LOXL2: variants seen among roughly 807,000 people sequenced by gnomAD.
LOXL2 encodes lysyl oxidase homolog 2.
A neutral mutation model predicts 93.0 loss-of-function variants in LOXL2; 70 were observed. That is an observed-to-expected ratio of 0.75 (90% CI 0.62 to 0.92). The LOEUF is 0.92. Among genes scored for constraint, LOXL2 ranks in the 40% least tolerant of loss-of-function variants. LOXL2 has a pLI of 0.00. For synonymous variants in LOXL2, 438 were observed against 413.2 expected, an observed-to-expected ratio of 1.06 and a Z score of -0.73; for missense variants, 973 against 1,054.9, an observed-to-expected ratio of 0.92 and a Z score of 1.08.
At position 23,309,687 on chromosome 8, in the gene LOXL2, TC is replaced by T; in HGVS notation, c.1860del (p.Trp620Ter). ...DFRPKNGRHA[W>X]IWHDCHRHYH... is the part of the protein sequence containing the mutation. The stretch of plus-strand genomic sequence containing the variant: ...GCCTACCTGTGACAGTCGTGCCAGA[TC>T]CACGCGTGGCGGCCGTTCTTGGGCC... On this transcript the variant is annotated frameshift_variant, in exon 10 of 14. Coordinates refer to ENST00000389131, the MANE Select transcript of LOXL2 (RefSeq NM_002318.3). LOFTEE classifies it high-confidence loss of function. 6.6e-7 allele frequency: 1 copy of T among 1,505,278 alleles called. No homozygotes were observed. The highest frequency in any genetic ancestry group is 8.9e-7 in the Non-Finnish European group (1 of 1,122,026). 93.2% of individuals were successfully genotyped at this position (1,505,278 alleles called of 1,614,324 possible). A position where few individuals can be genotyped will look rare whatever the true frequency, so the allele number is the denominator to read the frequency against.
At chr8:23,353,423 T>C (rs1804129903) in intron 3 of LOXL2, among the ~76,000 whole-genome samples, 1 of 152,228 alleles carries the variant, frequency 6.6e-6, no homozygotes, top group Admixed American at 6.5e-5. Flanking sequence ...TGATTTTCTT[T>C]ATATCCAGAC....
Position 23,317,021 on chromosome 8 carries a change from G to A in LOXL2, c.1564C>T (p.Arg522Cys), listed in dbSNP as rs202166801. 209 of 1,614,050 alleles carry A rather than the reference G, an allele frequency of 1.3e-4. No individual in the cohort carries two copies. Among genetic ancestry groups the A allele is most frequent in the Non-Finnish European group, 1.7e-4 (197 of 1,180,024 alleles). The part of the protein sequence containing the change: ...SGTELSLAHC[R>C]HDGEDVACPQ... ...CAGGCCACGTCCTCCCCGTCGTGGC[G>A]GCAGTGCGCCAGGGACAGCTCCGTT... Residue 522 changes from arginine (R) to cysteine (C), a missense_variant, in exon 9 of 14, where the codon CGC becomes TGC. By Grantham distance (180) the Arg-to-Cys change is radical. Transcript: ENST00000389131.
intron 2 of LOXL2, among the ~76,000 whole-genome samples, chr8:23,366,346 A>C (rs991435558): frequency 6.6e-6 from 1 of 152,216 alleles, no homozygotes; most frequent in Non-Finnish European, 1.5e-5. Flanking sequence ...AGCTGCAGAG[A>C]ACATTTGACT....
At chr8:23,348,360 C>T (rs1220861989) in intron 3 of LOXL2, among the ~76,000 whole-genome samples, 1 of 151,612 alleles carries the variant, frequency 6.6e-6, no homozygotes, top group Non-Finnish European at 1.5e-5. Context: ...ACCTATGTAA[C>T]GGGCCTGCAC....
chr8:23,322,023 A>C, intron 7 of LOXL2, 107 bp downstream of exon 7: 2 of 1,197,498 alleles, frequency 1.7e-6, no homozygotes, highest in South Asian at 1.4e-5. Context: ...TGTCTGCAGC[A>C]GTACTAGCAG....
chr8:23,346,087 A>T (rs1262288299), intron 3 of LOXL2, among the ~76,000 whole-genome samples: 1 of 103,834 alleles, frequency 9.6e-6, no homozygotes, highest in Non-Finnish European at 1.8e-5. Flanking sequence ...ATAAAATAAT[A>T]AAATAAAATA....
intron 12 of LOXL2, among the ~76,000 whole-genome samples, chr8:23,301,591 G>C (rs749041966): frequency 6.6e-6 from 1 of 152,214 alleles, no homozygotes; most frequent in Non-Finnish European, 1.5e-5. Flanking sequence ...GCAAGTGACT[G>C]GCTCTTTATG....
chr8:23,320,330 A>G (rs1803474393), intron 7 of LOXL2, among the ~76,000 whole-genome samples: 1 of 152,200 alleles, frequency 6.6e-6, no homozygotes, highest in African/African-American at 2.4e-5. Context: ...TGAGCCTATC[A>G]GTGGGGGGCT....
chr8:23,308,462 G>A (rs934733946), intron 10 of LOXL2, among the ~76,000 whole-genome samples: 3 of 152,242 alleles, frequency 2.0e-5, no homozygotes, highest in Non-Finnish European at 2.9e-5. Flanking sequence ...GAAGGGCAAT[G>A]ACTAGGCCAC....
chr8:23,298,924 C>G lies in LOXL2; in HGVS notation c.2157G>C (p.Glu719Asp), dbSNP rs141865904. 1.2e-6 allele frequency: 2 copies of G among 1,612,904 alleles called. No individual in the cohort carries two copies. The highest frequency in any genetic ancestry group is 2.2e-5 in the East Asian group (1 of 44,856). ...TGTTGGAGTAATCGGATTCTGCAAC[C>G]TCGAAGTTGGGGTTAATAACAACCT... Reference protein sequence around the residue: ...LFQVVINPNFEVAESDYSNNI... With the variant: ...LFQVVINPNFDVAESDYSNNI... Residue 719 changes from glutamate to aspartate, a missense_variant, in exon 13 of 14, where the codon GAG becomes GAC. Coordinates refer to ENST00000389131, the MANE Select transcript of LOXL2 (RefSeq NM_002318.3).
intron 1 of LOXL2, 61 bp from the exon 2 acceptor site, chr8:23,368,495 A>T (rs1451244841): frequency 1.5e-6 from 1 of 680,110 alleles, no homozygotes; most frequent in South Asian, 1.8e-5. Flanking sequence ...CTACATAGAG[A>T]ACCAGCGATT....
In LOXL2 at chr8:23,316,994, G is replaced by A. The variant is rs1479679373; in HGVS notation, c.1591C>T (p.Pro531Ser). 4 of 1,614,024 alleles carry A rather than the reference G, an allele frequency of 2.5e-6. No individual in the cohort carries two copies. The highest frequency in any genetic ancestry group is 1.7e-5 in the Admixed American group (1 of 59,998). Residue 531 changes from proline (P) to serine (S), a missense_variant, in exon 9 of 14, where the codon CCC becomes TCC. Coordinates refer to ENST00000389131, the MANE Select transcript of LOXL2 (RefSeq NM_002318.3). Reference sequence around the variant, plus strand: ...GCCCCGTACTGCACTCCGCCCTGGGGGCAGGCCACGTCCTCCCCGTCGTGG... The same window carrying A: ...GCCCCGTACTGCACTCCGCCCTGGGAGCAGGCCACGTCCTCCCCGTCGTGG... ...CRHDGEDVAC[P>S]QGGVQYGAGV...
At chr8:23,401,769 C>T (rs955038755) in intron 1 of LOXL2, among the ~76,000 whole-genome samples, 4 of 152,148 alleles carry the variant, frequency 2.6e-5, no homozygotes, top group Non-Finnish European at 5.9e-5. Context: ...GGTCAAAGGA[C>T]AAGGACTTGG....
At chr8:23,315,236 C>T (rs1224648427) in intron 9 of LOXL2, among the ~76,000 whole-genome samples, 1 of 152,048 alleles carries the variant, frequency 6.6e-6, no homozygotes, top group Non-Finnish European at 1.5e-5. Flanking sequence ...AGGGACTGGA[C>T]ATGGGGGTGG....
At chr8:23,381,082 A>C (rs929490748) in intron 1 of LOXL2, among the ~76,000 whole-genome samples, 1 of 126,930 alleles carries the variant, frequency 7.9e-6, no homozygotes, top group Non-Finnish European at 1.6e-5. Flanking sequence ...ACTGTGTTGT[A>C]AACCTCTCCA....
At chr8:23,378,868 A>G (rs7836319) in intron 1 of LOXL2, among the ~76,000 whole-genome samples, 96,147 of 151,978 alleles carry the variant, frequency 0.63, 32,057 homozygotes, top group African/African-American at 0.84. Flanking sequence ...TTTTTAGCTT[A>G]TGTTGGGTTT....
intron 12 of LOXL2, among the ~76,000 whole-genome samples, chr8:23,300,105 C>G (rs544449922): frequency 6.6e-6 from 1 of 152,278 alleles, no homozygotes; most frequent in African/African-American, 2.4e-5. Context: ...GCCAAGGCCT[C>G]CAGCTGTGCA....
Position 23,328,550 on chromosome 8 carries a change from G to A in LOXL2, c.982C>T (p.Leu328=). ...TCCCCGATGTAGGCACCGCCTCTCA[G>A]TCGCACCAGGGGTTGCTGAAGAGAC... ...AYKPEQPLVR[L]RGGAYIGEGR... Residue 328 remains leucine (L), a synonymous_variant, in exon 6 of 14, where the codon CTG becomes TTG. Coordinates refer to ENST00000389131, the MANE Select transcript of LOXL2 (RefSeq NM_002318.3). 6.2e-7 allele frequency: 1 copy of A among 1,613,970 alleles called. No individual in the cohort carries two copies. The highest frequency in any genetic ancestry group is 1.3e-5 in the African/African-American group (1 of 75,052).
At chr8:23,351,098 C>T (rs1374010360) in intron 3 of LOXL2, among the ~76,000 whole-genome samples, 2 of 152,174 alleles carry the variant, frequency 1.3e-5, no homozygotes, top group African/African-American at 2.4e-5. Context: ...CAAGACGGTC[C>T]GTTCCATCAC....
Sources: allele counts gnomAD v4.1 joint callset (sites outside exome capture counted in the v4.1 genomes callset), GRCh38; gene constraint gnomAD v4.1.1; transcripts MANE v1.5; gene names NCBI Gene and HGNC (gene_info 2026-07-23, HGNC 2026-07-21).